ECSIT: variants seen among roughly 807,000 people sequenced by gnomAD.
The protein encoded by ECSIT is evolutionarily conserved signaling intermediate in Toll pathway, mitochondrial.
In ECSIT, 29 loss-of-function variants were observed where a neutral mutation model predicts 36.8. That is an observed-to-expected ratio of 0.79 (90% CI 0.59 to 1.08). ECSIT has a LOEUF of 1.08. Ranked by LOEUF, ECSIT falls within the 50% of genes least tolerant of loss-of-function variation. ECSIT has a pLI of 0.00. For missense variants in ECSIT, 542 were observed against 581.0 expected, an observed-to-expected ratio of 0.93 and a Z score of 0.69; for synonymous variants, 231 against 234.8, an observed-to-expected ratio of 0.98 and a Z score of 0.15.
chr19:11,507,968 T>C (rs8111571), intron 5 of ECSIT, 23 bp downstream of exon 5: 85,093 of 1,613,818 alleles, frequency 0.053, 6,886 homozygotes, highest in African/African-American at 0.38. Context: ...GAGACTTGGC[T>C]GCCCCCATGC....
chr19:11,508,588 C>T (rs1170103436), intron 4 of ECSIT, among the ~76,000 whole-genome samples: 2 of 151,908 alleles, frequency 1.3e-5, no homozygotes, highest in Admixed American at 6.6e-5. Flanking sequence ...GAGTTTTGCT[C>T]ATTACCCAGG....
rs559874433 is a variant in ECSIT at position 11,506,850 on chromosome 19, G to A, written c.1052-422C>T. Among the ~76,000 whole-genome samples, 33 of 152,158 alleles carry A rather than the reference G, an allele frequency of 2.2e-4. No homozygotes were observed. The South Asian group carries it at 6.6e-3, about 31-fold the overall frequency. ...GTGCCCGGCTTCCTTCCACTTTCTT[G>A]TGCCTCCAAACCTTTGCACAAGCTA... On this transcript the variant is annotated intron_variant, in intron 7 of 7. Coordinates refer to ENST00000270517, the MANE Select transcript of ECSIT (RefSeq NM_016581.5).
chr19:11,519,297 C>T lies in ECSIT; in HGVS notation c.-23-104G>A. 1.3e-6 allele frequency: 1 copy of T among 760,430 alleles called. No individual in the cohort carries two copies. The highest frequency in any genetic ancestry group is 2.7e-5 in the East Asian group (1 of 37,484). The allele number at this position is 760,430 out of a possible 1,614,324, so 47.1% of individuals were successfully genotyped here. A position where few individuals can be genotyped will look rare whatever the true frequency, so the allele number is the denominator to read the frequency against. ...CACACTCCAGATTATGTGGCTCACT[C>T]ACCAGCCCCAATGTTTACCTTACCC... On this transcript the variant is annotated intron_variant, in intron 1 of 7. Transcript: ENST00000270517. This position sits in a 1 kb window ranked among gnomAD's most constrained non-coding sequence, Gnocchi z 4.4.
At chr19:11,513,670 G>A in intron 3 of ECSIT, 134 bp downstream of exon 3, 2 of 1,082,372 alleles carry the variant, frequency 1.8e-6, no homozygotes, top group East Asian at 5.1e-5. Context: ...GATGAAAAGA[G>A]GGATTCGGAG....
intron 2 of ECSIT, among the ~76,000 whole-genome samples, chr19:11,516,746 G>A (rs1052670570): frequency 2.0e-5 from 3 of 151,650 alleles, no homozygotes; most frequent in South Asian, 2.1e-4. Flanking sequence ...GTCCAGGCTC[G>A]GTGGCTCACA....
At chr19:11,514,319 C>T (rs1212388637) in intron 2 of ECSIT, 98 bp from the exon 3 acceptor site, 4 of 1,201,504 alleles carry the variant, frequency 3.3e-6, no homozygotes, top group Non-Finnish European at 4.5e-6. Context: ...AGTGGCCTCC[C>T]TGAGGACTCG....
chr19:11,522,319 C>A, intron 1 of ECSIT: 1 of 682,750 alleles, frequency 1.5e-6, no homozygotes, highest in Non-Finnish European at 2.6e-6. Flanking sequence ...CGCCCGGTAC[C>A]CCACCTGGAC....
chr19:11,515,104 CTTT>C (rs576893211), intron 2 of ECSIT, among the ~76,000 whole-genome samples: 2 of 127,152 alleles, frequency 1.6e-5, no homozygotes, highest in Non-Finnish European at 3.3e-5. Flanking sequence ...CTCCCCAAGT[CTTT>C]TTTTTTTTTT....
At chr19:11,507,320 A>T in intron 7 of ECSIT, 137 bp downstream of exon 7, 1 of 672,534 alleles carries the variant, frequency 1.5e-6, no homozygotes, top group Non-Finnish European at 2.7e-6. Context: ...TCTATCATGT[A>T]GGCTGGAGTG....
At chr19:11,517,790 T>C (rs555455758) in intron 2 of ECSIT, among the ~76,000 whole-genome samples, 1 of 152,054 alleles carries the variant, frequency 6.6e-6, no homozygotes, top group East Asian at 1.9e-4. Context: ...GAACTATTAA[T>C]ATTCCCACCA....
At chr19:11,528,850 G>A (rs1972268833) in intron 1 of ECSIT, 1 of 152,258 alleles carries the variant, frequency 6.6e-6, no homozygotes, top group African/African-American at 2.4e-5. Flanking sequence ...GACCTCTCGC[G>A]AGGTCATCTG....
chr19:11,507,308 G>T (rs536609911), intron 7 of ECSIT, 149 bp downstream of exon 7: 2 of 675,488 alleles, frequency 3.0e-6, no homozygotes, highest in South Asian at 3.2e-5. Context: ...TTTGACACAG[G>T]GTCTATCATG....
rs536766936 is a variant in ECSIT at position 11,507,814 on chromosome 19, C to T, written c.833G>A (p.Arg278His). 7.7e-5 allele frequency: 124 copies of T among 1,613,334 alleles called. No homozygotes were observed. The highest frequency in any genetic ancestry group is 1.0e-4 in the Non-Finnish European group (120 of 1,179,976). Residue 278 changes from arginine to histidine, a missense_variant, in exon 6 of 8, where the codon CGC (arginine) becomes CAC (histidine). Arg to His is a conservative substitution (Grantham distance 29). Transcript: ENST00000270517. ...AAAGACAGGCCGGGCTGGATTGTGG[C>T]GGGCCAGGGCGGCCTGCTGATCGGG... The part of the protein sequence containing the change: ...QSPDQQAALA[R>H]HNPARPVFVE...
At chr19:11,516,952 G>A (rs1383006998) in intron 2 of ECSIT, among the ~76,000 whole-genome samples, 2 of 151,992 alleles carry the variant, frequency 1.3e-5, no homozygotes, top group Non-Finnish European at 2.9e-5. Flanking sequence ...CTGGCGGGTC[G>A]AGGTTGCAGT....
intron 4 of ECSIT, among the ~76,000 whole-genome samples, chr19:11,509,885 T>C (rs1971835796): frequency 6.6e-6 from 1 of 152,028 alleles, no homozygotes; most frequent in African/African-American, 2.4e-5. Flanking sequence ...TTTTTTTTTT[T>C]TGAGATGGAG....
intron 1 of ECSIT, among the ~76,000 whole-genome samples, chr19:11,527,431 A>G (rs1568408658): frequency 6.6e-6 from 1 of 152,238 alleles, no homozygotes; most frequent in African/African-American, 2.4e-5. Context: ...CTGTAATCCC[A>G]ACACTTTGGG....
At chr19:11,507,943 G>A (rs374925686) in intron 5 of ECSIT, 48 bp downstream of exon 5, 3 of 1,614,002 alleles carry the variant, frequency 1.9e-6, no homozygotes, top group Non-Finnish European at 2.5e-6. Flanking sequence ...ACCTGGCAGG[G>A]CCTGGGTAAG....
chr19:11,508,169 C>T (rs532813351), intron 4 of ECSIT, 121 bp from the exon 5 acceptor site: 63 of 1,210,208 alleles, frequency 5.2e-5, no homozygotes, highest in Non-Finnish European at 6.8e-5. Context: ...ATCTGGTACA[C>T]GGCCCTCCAA....
rs1465777996 is a variant in ECSIT at position 11,519,047 on chromosome 19, C to T, written c.96+28G>A. The T allele has an allele frequency of 1.3e-6, 2 of 1,541,220 alleles. No individual in the cohort carries two copies. The highest frequency in any genetic ancestry group is 4.9e-5 in the East Asian group (2 of 40,842). On this transcript the variant is annotated intron_variant, in intron 2 of 7. Coordinates refer to ENST00000270517, the MANE Select transcript of ECSIT (RefSeq NM_016581.5). This position sits in a 1 kb window ranked among gnomAD's most constrained non-coding sequence, Gnocchi z 4.4. ...CAAATCCCAAGCTTACCTCCCTCTA[C>T]CCAAAAGACTGCCTGGCTGGTGCTT... is the stretch of plus-strand genomic sequence containing the variant.
Sources: allele counts gnomAD v4.1 joint callset (sites outside exome capture counted in the v4.1 genomes callset), GRCh38; gene constraint gnomAD v4.1.1; non-coding constraint Gnocchi (gnomAD v3.1); transcripts MANE v1.5; gene names NCBI Gene and HGNC (gene_info 2026-07-23, HGNC 2026-07-21).